OXNAD1: variants seen among roughly 807,000 people sequenced by gnomAD.
OXNAD1 encodes oxidoreductase NAD binding domain containing 1.
A neutral mutation model predicts 32.9 loss-of-function variants in OXNAD1; 34 were observed. The ratio of observed to expected loss-of-function variants is 1.03; its 90% CI spans 0.79 to 1.38. OXNAD1 has a LOEUF of 1.38. OXNAD1 is among the 40% of genes most tolerant of loss of function. The pLI is 0.00. For synonymous variants in OXNAD1, 134 were observed against 135.2 expected, an observed-to-expected ratio of 0.99 and a Z score of 0.06; for missense variants, 407 against 379.4, an observed-to-expected ratio of 1.07 and a Z score of -0.60.
chr3:16,295,674 A>G (rs2066735743), intron 6 of OXNAD1, among the ~76,000 whole-genome samples: 1 of 152,056 alleles, frequency 6.6e-6, no homozygotes, highest in Admixed American at 6.6e-5. Flanking sequence ...TGCTTTTTCT[A>G]TTCTTTTCCT....
rs753967652 is a variant in OXNAD1, at chr3:16,277,734, C to G, written c.183+6012C>G. ...TTCTTTTGGTTTTGGGCATGTATTT[C>G]CTCTGGAAAGTTTACTGAATGACCA... On this transcript the variant is annotated intron_variant, in intron 4 of 8. Transcript: ENST00000285083. The surrounding 1 kb of genome is among the most constrained non-coding windows in gnomAD (Gnocchi z 4.3). Among the ~76,000 whole-genome samples, 2 of 152,130 alleles carry G rather than the reference C, an allele frequency of 1.3e-5. No homozygotes were observed. The highest frequency in any genetic ancestry group is 2.9e-5 in the Non-Finnish European group (2 of 68,026).
downstream of OXNAD1, among the ~76,000 whole-genome samples, chr3:16,350,488 A>G (rs561289858): frequency 7.3e-6 from 1 of 136,976 alleles, no homozygotes; most frequent in East Asian, 2.2e-4. Context: ...GCTGAGATGA[A>G]TCACTTTTTT....
downstream of OXNAD1, among the ~76,000 whole-genome samples, chr3:16,309,439 A>AT (rs201061933): frequency 1.3e-5 from 2 of 151,440 alleles, no homozygotes; most frequent in Non-Finnish European, 2.9e-5. Context: ...ATACTTAAGT[A>AT]TTTTTTTTCC....
Position 16,329,195 on chromosome 3 carries a change from G to A in OXNAD1, c.*31-7917G>A, listed in dbSNP as rs944040078. Among the ~76,000 whole-genome samples the A allele has an allele frequency of 1.3e-5, 2 of 152,240 alleles. No homozygotes were observed. The highest frequency in any genetic ancestry group is 2.4e-5 in the African/African-American group (1 of 41,462). On this transcript the variant is annotated intron_variant, in intron 9 of 9. Transcript: ENST00000435829. This position sits in a 1 kb window ranked among gnomAD's most constrained non-coding sequence, Gnocchi z 4.5. ...CTTCCGCCTCGGGATGACGCAGCAAGAAGGCCCTCACAAGATGCCAGGCCC... is the reference window on the plus strand; with the variant it reads ...CTTCCGCCTCGGGATGACGCAGCAAAAAGGCCCTCACAAGATGCCAGGCCC...
chr3:16,341,822 T>A (rs1297232877), downstream of OXNAD1, among the ~76,000 whole-genome samples: 1 of 152,142 alleles, frequency 6.6e-6, no homozygotes, highest in Non-Finnish European at 1.5e-5. The surrounding 1 kb of genome is among the most constrained non-coding windows in gnomAD (Gnocchi z 4.7). Flanking sequence ...CAGCATACAG[T>A]TACATACAAA....
At chr3:16,342,238 T>C (rs183132977), downstream of OXNAD1, among the ~76,000 whole-genome samples, 238 of 152,158 alleles carry the variant, frequency 1.6e-3, no homozygotes, top group Admixed American at 3.2e-3. The surrounding 1 kb of genome is among the most constrained non-coding windows in gnomAD (Gnocchi z 4.0). Context: ...CGAGTCCACT[T>C]TTTGTCTCTA....
At chr3:16,347,160 TC>T (rs1247606605) in intron 9 of OXNAD1, among the ~76,000 whole-genome samples, 1 of 152,158 alleles carries the variant, frequency 6.6e-6, no homozygotes, top group Non-Finnish European at 1.5e-5. Flanking sequence ...CCACTATGGC[TC>T]CCTTCAACCC....
chr3:16,309,106 T>C (rs183978833), downstream of OXNAD1, among the ~76,000 whole-genome samples: 453 of 152,314 alleles, frequency 3.0e-3, 3 homozygotes, highest in African/African-American at 9.7e-3. Context: ...TGTATACATA[T>C]ACAACTGTGG....
rs7622858 is a variant in OXNAD1 at position 16,346,883 on chromosome 3, T to C, written c.*31-2293T>C. On this transcript the variant is annotated intron_variant, in intron 9 of 9. Transcript: ENST00000606098. This position sits in a 1 kb window ranked among gnomAD's most constrained non-coding sequence, Gnocchi z 4.4. Reference sequence around the variant, plus strand: ...AGAAAGATGGCAACATCTGGATCCCTGGTGGCATCTTTAAGCTGTTGACAA... The same window carrying C: ...AGAAAGATGGCAACATCTGGATCCCCGGTGGCATCTTTAAGCTGTTGACAA... 0.24 allele frequency among the ~76,000 whole-genome samples: 36,296 copies of C among 152,090 alleles called. 4,567 individuals carry two copies. Among genetic ancestry groups the C allele is most frequent in the Middle Eastern group, 0.31 (92 of 294 alleles).
At chr3:16,349,111 G>C (rs1363951090) in intron 9 of OXNAD1, 1 of 152,252 alleles carries the variant, frequency 6.6e-6, no homozygotes, top group Non-Finnish European at 1.5e-5. Context: ...TATGGGAAGG[G>C]AAATGACTTA....
rs1419080558 is a variant in OXNAD1 at position 16,305,197 on chromosome 3, G to A, written c.*1635G>A. 2.0e-5 allele frequency: 3 copies of A among 152,376 alleles called. No individual in the cohort carries two copies. The highest frequency in any genetic ancestry group is 7.2e-5 in the African/African-American group (3 of 41,436). 9.4% of individuals were successfully genotyped at this position (152,376 alleles called of 1,614,324 possible). On this transcript the variant is annotated 3_prime_UTR_variant, in exon 9 of 9. Transcript: ENST00000285083. This position sits in a 1 kb window ranked among gnomAD's most constrained non-coding sequence, Gnocchi z 4.5. ...TACTAACTGGTGAAGGCAGTCTGCG[G>A]GGGAGGACACCTAAAGGTATGCGGA...
In OXNAD1 at chr3:16,281,766, A is replaced by G. The variant is rs6787893; in HGVS notation, c.184-4576A>G. On this transcript the variant is annotated intron_variant, in intron 4 of 8. Coordinates refer to ENST00000285083, the MANE Select transcript of OXNAD1 (RefSeq NM_138381.5). ...TGTCTCAGCTGAAATTCTTTTCCCT[A>G]TCTAGTTTTGTTAAGGAATTCAACA... 2.3e-3 allele frequency among the ~76,000 whole-genome samples: 350 copies of G among 152,078 alleles called. 3 individuals are homozygous for G. Among genetic ancestry groups the G allele is most frequent in the African/African-American group, 8.1e-3 (338 of 41,480 alleles).
At chr3:16,315,537 G>A (rs1484515000) in intron 9 of OXNAD1, 64 of 152,358 alleles carry the variant, frequency 4.2e-4, no homozygotes, top group African/African-American at 1.4e-3. Flanking sequence ...ATGTTTGTTA[G>A]ACACTGATGT....
chr3:16,272,735 T>C (rs1334079489), intron 4 of OXNAD1, among the ~76,000 whole-genome samples: 1 of 149,970 alleles, frequency 6.7e-6, no homozygotes, highest in Admixed American at 6.7e-5. Context: ...CTTTTTCCAA[T>C]AATAAATCTG....
chr3:16,293,408 A>G (rs535655789), intron 5 of OXNAD1, among the ~76,000 whole-genome samples: 1 of 152,282 alleles, frequency 6.6e-6, no homozygotes, highest in South Asian at 2.1e-4. Context: ...ATTAGTTCTA[A>G]TATCTTTTTA....
intron 9 of OXNAD1, among the ~76,000 whole-genome samples, chr3:16,325,776 G>A (rs763604093): frequency 6.6e-6 from 1 of 152,192 alleles, no homozygotes; most frequent in Non-Finnish European, 1.5e-5. Flanking sequence ...CCAGAGGAGG[G>A]ACTAGGAAAG....
intron 9 of OXNAD1, chr3:16,326,734 A>G (rs2069733984): frequency 1.4e-6 from 2 of 1,441,686 alleles, no homozygotes; most frequent in Non-Finnish European, 2.0e-6. Context: ...GCACAGAGTA[A>G]GTGTTCAATA....
chr3:16,270,194 C>G (rs2064824785), intron 2 of OXNAD1, among the ~76,000 whole-genome samples: 1 of 152,216 alleles, frequency 6.6e-6, no homozygotes, highest in Non-Finnish European at 1.5e-5. Context: ...TACCACCTCC[C>G]AAGGGAAATT....
chr3:16,294,729 A>G, intron 5 of OXNAD1, 127 bp from the exon 6 acceptor site: 2 of 887,150 alleles, frequency 2.3e-6, no homozygotes, highest in Non-Finnish European at 3.3e-6. Context: ...TTGTGATGAT[A>G]TCTCCTCTTT....
Sources: allele counts gnomAD v4.1 joint callset (sites outside exome capture counted in the v4.1 genomes callset), GRCh38; gene constraint gnomAD v4.1.1; non-coding constraint Gnocchi (gnomAD v3.1); transcripts MANE v1.5; gene names NCBI Gene and HGNC (gene_info 2026-07-23, HGNC 2026-07-21).